MDGA2: variants seen among roughly 807,000 people sequenced by gnomAD.
MDGA2 encodes the protein MAM domain-containing glycosylphosphatidylinositol anchor protein 2.
Under a neutral mutation model 117.8 loss-of-function variants are expected in MDGA2, and 40 were observed. The observed-to-expected ratio is 0.34, with a 90% CI of 0.26 to 0.44. The LOEUF (loss-of-function observed/expected upper bound fraction) is 0.44. MDGA2 is among the 20% of genes least tolerant of loss of function. The pLI is 1.00. For synonymous variants in MDGA2, 452 were observed against 439.0 expected, an observed-to-expected ratio of 1.03 and a Z score of -0.37; for missense variants, 1,123 against 1,250.6, an observed-to-expected ratio of 0.90 and a Z score of 1.54.
At chr14:47,558,585 T>C (rs1185219863) in intron 1 of MDGA2, among the ~76,000 whole-genome samples, 1 of 152,212 alleles carries the variant, frequency 6.6e-6, no homozygotes, top group Non-Finnish European at 1.5e-5. Flanking sequence ...GTGGATTTCA[T>C]AATTAGCCTC....
chr14:47,148,388 T>C (rs1163830855), intron 3 of MDGA2, among the ~76,000 whole-genome samples: 1 of 152,168 alleles, frequency 6.6e-6, no homozygotes, highest in South Asian at 2.1e-4. Context: ...ATAATGGTCA[T>C]TGATTTAGAA....
At chr14:47,534,722 G>C (rs539249359) in intron 1 of MDGA2, among the ~76,000 whole-genome samples, 1 of 152,312 alleles carries the variant, frequency 6.6e-6, no homozygotes, top group Admixed American at 6.5e-5. Flanking sequence ...AGCTTCAAAA[G>C]CACAGGTTGT....
At chr14:47,652,148 G>A (rs1023376034) in intron 1 of MDGA2, among the ~76,000 whole-genome samples, 1 of 152,184 alleles carries the variant, frequency 6.6e-6, no homozygotes, top group South Asian at 2.1e-4. Context: ...CGTGATTGAG[G>A]AGAACAGGAA....
chr14:47,033,850 T>A (rs927446041), intron 8 of MDGA2, among the ~76,000 whole-genome samples: 3 of 152,196 alleles, frequency 2.0e-5, no homozygotes, highest in Non-Finnish European at 2.9e-5. Context: ...CACACTCACA[T>A]ATCTCATGCA....
intron 1 of MDGA2, among the ~76,000 whole-genome samples, chr14:47,368,009 G>C (rs1891266912): frequency 6.6e-6 from 1 of 152,162 alleles, no homozygotes; most frequent in East Asian, 1.9e-4. Context: ...GCCGGGCGTG[G>C]TGGCTCACGT....
intron 1 of MDGA2, among the ~76,000 whole-genome samples, chr14:47,471,370 C>T (rs1893725119): frequency 6.6e-6 from 1 of 151,704 alleles, no homozygotes; most frequent in Admixed American, 6.6e-5. Flanking sequence ...TAAAAAACAG[C>T]ACTTTATTTC....
At chr14:47,579,878 C>T (rs1453932670) in intron 1 of MDGA2, among the ~76,000 whole-genome samples, 1 of 151,978 alleles carries the variant, frequency 6.6e-6, no homozygotes, top group African/African-American at 2.4e-5. Context: ...AAAGTGATAG[C>T]AATCACTAAA....
At chr14:47,471,133 T>C (rs1349236569) in intron 1 of MDGA2, among the ~76,000 whole-genome samples, 2 of 151,858 alleles carry the variant, frequency 1.3e-5, no homozygotes, top group East Asian at 3.9e-4. Flanking sequence ...AGTGTGTCTG[T>C]TTTTTTTCTT....
chr14:46,990,874 A>G (rs866012680), intron 8 of MDGA2, among the ~76,000 whole-genome samples: 7 of 119,764 alleles, frequency 5.8e-5, no homozygotes, highest in Non-Finnish European at 8.7e-5. Flanking sequence ...ACCCACACAC[A>G]CACACACACA....
intron 1 of MDGA2, among the ~76,000 whole-genome samples, chr14:47,441,734 G>C (rs1893015969): frequency 6.6e-6 from 1 of 152,044 alleles, no homozygotes; most frequent in Non-Finnish European, 1.5e-5. Context: ...ATAAACTACA[G>C]AAGTTAAATA....
chr14:47,317,677 G>A (rs988118700), intron 1 of MDGA2, among the ~76,000 whole-genome samples: 10 of 152,042 alleles, frequency 6.6e-5, no homozygotes, highest in African/African-American at 2.4e-4. Flanking sequence ...CAATTTGGTT[G>A]TATAGGGAAA....
chr14:46,957,634 G>A lies in MDGA2; in HGVS notation c.1829C>T (p.Ala610Val), dbSNP rs1885615651. The change falls in exon 9 of 17, where the codon GCA becomes GTA. Residue 610 changes from alanine (A) to valine (V), a missense_variant. By Grantham distance (64) the Ala-to-Val change is moderately conservative. Around this residue, in one of 2 missense-constraint regions of MDGA2, gnomAD observed 890 missense variants for 1,050.3 expected, o/e 0.85. Transcript: ENST00000399232. ...LVQLIVQYPP[A>V]VEPAFLEIRQ... ...GATTTCCAAGAATGCTGGTTCCACT[G>A]CAGGGGGATCTGTAGAAAAGATATG... 1 of 1,613,976 alleles carries A rather than the reference G, an allele frequency of 6.2e-7. No individual in the cohort carries two copies. Among genetic ancestry groups the A allele is most frequent in the Non-Finnish European group, 8.5e-7 (1 of 1,179,966 alleles).
At chr14:47,499,489 T>TTATTCCC (rs1334338187) in intron 1 of MDGA2, among the ~76,000 whole-genome samples, 7 of 152,196 alleles carry the variant, frequency 4.6e-5, no homozygotes, top group African/African-American at 1.4e-4. Flanking sequence ...ATAAACACTG[T>TTATTCCC]TATTCCCTAT....
chr14:47,504,292 T>A (rs541151741), intron 1 of MDGA2, among the ~76,000 whole-genome samples: 1 of 152,320 alleles, frequency 6.6e-6, no homozygotes, highest in South Asian at 2.1e-4. Flanking sequence ...TATTATTCCT[T>A]GGATGCAGAT....
At chr14:47,109,384 G>A (rs1168494089) in intron 5 of MDGA2, among the ~76,000 whole-genome samples, 2 of 152,096 alleles carry the variant, frequency 1.3e-5, no homozygotes, top group African/African-American at 4.8e-5. Context: ...CAGACCAACT[G>A]AGTTGCTTCT....
intron 10 of MDGA2, among the ~76,000 whole-genome samples, chr14:46,887,924 A>T (rs2138409138): frequency 6.6e-6 from 1 of 152,076 alleles, no homozygotes; most frequent in South Asian, 2.1e-4. Context: ...CTTGATGTTA[A>T]CATAAGTTTA....
rs756528353 is a variant in MDGA2 at position 46,929,601 on chromosome 14, GTATATATATATATATATATA to G, written c.2090-9461_2090-9442del. 5.6e-3 allele frequency among the ~76,000 whole-genome samples: 71 copies of G among 12,684 alleles called. 1 individual carries two copies. In the East Asian group the frequency reaches 0.066, roughly 12 times the overall value. 8.3% of individuals were successfully genotyped at this position (12,684 alleles called of 152,430 possible). Reference sequence around the variant, plus strand: ...TATACGTGTGTGTGTGTGTGTGTGTGTATATATATATATATATATATATATATATATATATATATATATAT... The same window carrying G: ...TATACGTGTGTGTGTGTGTGTGTGTGTATATATATATATATATATATATAT... On this transcript the variant is annotated intron_variant, in intron 9 of 16. Transcript: ENST00000399232.
At chr14:47,243,240 T>G (rs1023437150) in intron 2 of MDGA2, among the ~76,000 whole-genome samples, 1 of 151,418 alleles carries the variant, frequency 6.6e-6, no homozygotes, top group Non-Finnish European at 1.5e-5. Flanking sequence ...CTAACTAATC[T>G]GGTGGGGATG....
At chr14:47,559,671 C>T (rs1474277610) in intron 1 of MDGA2, among the ~76,000 whole-genome samples, 1 of 151,578 alleles carries the variant, frequency 6.6e-6, no homozygotes, top group Admixed American at 6.6e-5. Context: ...CTCCCGGGTT[C>T]AAGCAATTCT....
Sources: gnomAD v4.1 joint callset for allele counts (sites outside exome capture counted in the v4.1 genomes callset) on GRCh38, gnomAD v4.1.1 for gene constraint, gnomAD v4.1.1 regional missense constraint, MANE v1.5 for transcripts, NCBI Gene and HGNC (gene_info 2026-07-23, HGNC 2026-07-21) for gene names.